The following ESRRG variants were observed in gnomAD, a reference collection of about 807,000 sequenced individuals.
ESRRG encodes the protein estrogen related receptor gamma.
ESRRG carries 13 observed loss-of-function variants against 44.0 expected under a neutral mutation model. The ratio of observed to expected loss-of-function variants is 0.30; its 90% CI spans 0.19 to 0.47. The LOEUF (loss-of-function observed/expected upper bound fraction) is 0.47, where lower values mean the gene tolerates loss of function less well. Among genes scored for constraint, ESRRG ranks in the 20% least tolerant of loss-of-function variants. The pLI, the probability that ESRRG is intolerant of heterozygous loss-of-function variation, is 1.00. For missense variants in ESRRG, 395 were observed against 580.6 expected (o/e 0.68, Z 3.29); for synonymous variants, 215 against 214.6 (o/e 1.00, Z -0.02).
At chr1:216,770,554 C>CAT (rs908865461) in intron 2 of ESRRG, among the ~76,000 whole-genome samples, 6 of 151,728 alleles carry the variant, frequency 4.0e-5, no homozygotes, top group Non-Finnish European at 5.9e-5. Flanking sequence ...CATATTTCTG[C>CAT]ATATATATAT....
chr1:216,523,994 C>T (rs985532029), intron 5 of ESRRG, among the ~76,000 whole-genome samples: 7 of 151,792 alleles, frequency 4.6e-5, no homozygotes, highest in Non-Finnish European at 8.8e-5. Flanking sequence ...TTTTCTTTCC[C>T]GTACAAATAA....
At chr1:217,117,187 T>G (rs2092741353) in intron 1 of ESRRG, among the ~76,000 whole-genome samples, 1 of 152,220 alleles carries the variant, frequency 6.6e-6, no homozygotes, top group African/African-American at 2.4e-5. Flanking sequence ...GCCACATCCC[T>G]TCTCTAAGCC....
At chr1:217,100,522 C>CAGTT (rs1380243839) in intron 1 of ESRRG, among the ~76,000 whole-genome samples, 2 of 152,192 alleles carry the variant, frequency 1.3e-5, no homozygotes, top group African/African-American at 4.8e-5. Context: ...TATCCTGAGC[C>CAGTT]AGTTAGTTGT....
At chr1:216,655,261 G>A (rs997937597) in intron 2 of ESRRG, among the ~76,000 whole-genome samples, 2 of 152,142 alleles carry the variant, frequency 1.3e-5, no homozygotes, top group Non-Finnish European at 2.9e-5. Flanking sequence ...GGATTAGAGA[G>A]AGGTAGTTCC....
rs2041224381 is a variant in ESRRG at position 216,506,463 on chromosome 1, G to A, written c.*476C>T. The A allele has an allele frequency of 3.0e-6, 1 of 336,516 alleles. No homozygotes were observed. The highest frequency in any genetic ancestry group is 4.0e-5 in the Admixed American group (1 of 24,756). 20.8% of individuals were successfully genotyped at this position (336,516 alleles called of 1,614,324 possible). On this transcript the variant is annotated 3_prime_UTR_variant, in exon 7 of 7. Transcript: ENST00000408911. ...AAGGTCAAGAGGAAAGGAAAGGAAA[G>A]GGAAAAGGAAAGGGAAAAAGGAAAG...
intron 2 of ESRRG, among the ~76,000 whole-genome samples, chr1:216,832,035 C>T (rs1424284839): frequency 2.0e-5 from 3 of 152,216 alleles, no homozygotes; most frequent in Admixed American, 2.0e-4. Context: ...AGGGTGCCCA[C>T]AGGTCCCTCT....
intron 1 of ESRRG, among the ~76,000 whole-genome samples, chr1:216,954,950 T>C (rs980614131): frequency 6.6e-6 from 1 of 152,156 alleles, no homozygotes; most frequent in African/African-American, 2.4e-5. Context: ...TTATGCGGTA[T>C]AGAGTGGTAT....
intron 3 of ESRRG, among the ~76,000 whole-genome samples, chr1:216,593,834 G>T (rs1179812813): frequency 6.6e-6 from 1 of 152,046 alleles, no homozygotes; most frequent in Non-Finnish European, 1.5e-5. Context: ...CTGCCTCCTG[G>T]TCTCACCCAC....
intron 2 of ESRRG, among the ~76,000 whole-genome samples, chr1:216,911,954 A>G (rs1004392893): frequency 1.3e-5 from 2 of 151,366 alleles, no homozygotes; most frequent in African/African-American, 2.4e-5. Context: ...GTGCACCTGT[A>G]GTCCCAGCTA....
At chr1:216,684,952 A>G (rs1222627465) in intron 1 of ESRRG, among the ~76,000 whole-genome samples, 1 of 152,250 alleles carries the variant, frequency 6.6e-6, no homozygotes, top group African/African-American at 2.4e-5. Flanking sequence ...CATGACGCCA[A>G]TGGATCCGAA....
intron 2 of ESRRG, among the ~76,000 whole-genome samples, chr1:216,883,381 T>A (rs1157109901): frequency 3.9e-5 from 4 of 103,796 alleles, no homozygotes; most frequent in Non-Finnish European, 7.3e-5. Context: ...GCGAGACTTC[T>A]CTGAGAAAAA....
At chr1:217,030,338 TAAAC>T (rs1225486246) in intron 1 of ESRRG, among the ~76,000 whole-genome samples, 1 of 152,130 alleles carries the variant, frequency 6.6e-6, no homozygotes, top group African/African-American at 2.4e-5. Context: ...ACGCATGGGA[TAAAC>T]AGACCACCAT....
chr1:216,923,100 C>T (rs2062040986), intron 2 of ESRRG, among the ~76,000 whole-genome samples: 1 of 152,152 alleles, frequency 6.6e-6, no homozygotes, highest in Admixed American at 6.5e-5. Context: ...ATCCAAAAAG[C>T]AGATTATATT....
chr1:216,559,702 C>T lies in ESRRG; in HGVS notation c.862+4517G>A, dbSNP rs566948605. Among the ~76,000 whole-genome samples, 4 of 152,248 alleles carry T rather than the reference C, an allele frequency of 2.6e-5. No homozygotes were observed. In the South Asian group the frequency reaches 6.2e-4, roughly 24 times the overall value. On this transcript the variant is annotated intron_variant, in intron 5 of 6. Coordinates refer to ENST00000408911, the MANE Select transcript of ESRRG (RefSeq NM_001438.4). ...CACGTATCCTAATCACTTAATGGTGCTACTATTTTAAGATGGGTATTTTAT... is the reference window on the plus strand; with the variant it reads ...CACGTATCCTAATCACTTAATGGTGTTACTATTTTAAGATGGGTATTTTAT...
chr1:217,082,531 AAC>A (rs2091836755), intron 1 of ESRRG, among the ~76,000 whole-genome samples: 1 of 152,192 alleles, frequency 6.6e-6, no homozygotes, highest in Admixed American at 6.5e-5. Flanking sequence ...CTTTTCTCAT[AAC>A]ACACTGTCCT....
intron 2 of ESRRG, among the ~76,000 whole-genome samples, chr1:216,931,914 G>A (rs2063405216): frequency 6.6e-6 from 1 of 151,658 alleles, no homozygotes; most frequent in Non-Finnish European, 1.5e-5. Context: ...AAATTAAAAG[G>A]TGAAAATAAG....
At chr1:216,636,510 T>A (rs1481585192) in intron 3 of ESRRG, among the ~76,000 whole-genome samples, 1 of 152,252 alleles carries the variant, frequency 6.6e-6, no homozygotes. Flanking sequence ...AACTAACCTC[T>A]GCTTCTCTGG....
chr1:216,934,682 G>A (rs1301674745), intron 2 of ESRRG, among the ~76,000 whole-genome samples: 1 of 152,170 alleles, frequency 6.6e-6, no homozygotes, highest in Non-Finnish European at 1.5e-5. Context: ...CCACCTCCAT[G>A]ATTCAGTTAT....
intron 1 of ESRRG, among the ~76,000 whole-genome samples, chr1:217,023,066 G>A (rs997897737): frequency 2.0e-5 from 3 of 152,106 alleles, no homozygotes; most frequent in Admixed American, 2.0e-4. Context: ...ACCATTACTT[G>A]TTTCTACTCT....
Sources: gnomAD v4.1 joint callset for allele counts (sites outside exome capture counted in the v4.1 genomes callset) on GRCh38, gnomAD v4.1.1 for gene constraint, MANE v1.5 for transcripts, NCBI Gene and HGNC (gene_info 2026-07-23, HGNC 2026-07-21) for gene names.